Variants in CFAP20DC observed in about 807,000 individuals in gnomAD.
The protein encoded by CFAP20DC is CFAP20 domain containing.
In CFAP20DC, 84 loss-of-function variants were observed where a neutral mutation model predicts 101.7. The ratio of observed to expected loss-of-function variants is 0.83; its 90% CI spans 0.69 to 0.99. The LOEUF (loss-of-function observed/expected upper bound fraction) is 0.99, where lower values mean the gene tolerates loss of function less well. CFAP20DC is among the 50% of genes least tolerant of loss of function. The pLI, the probability that CFAP20DC is intolerant of heterozygous loss-of-function variation, is 0.00. For synonymous variants in CFAP20DC, 359 were observed against 351.2 expected, an observed-to-expected ratio of 1.02 and a Z score of -0.25; for missense variants, 1,007 against 970.3, an observed-to-expected ratio of 1.04 and a Z score of -0.50.
intron 12 of CFAP20DC, chr3:58,862,084 T>G: frequency 4.1e-6 from 4 of 965,006 alleles, no homozygotes; most frequent in Non-Finnish European, 4.9e-6. Context: ...AGGTAAGTTC[T>G]TCATGTGGTG....
At chr3:58,893,834 A>G (rs930618399) in intron 6 of CFAP20DC, among the ~76,000 whole-genome samples, 6 of 151,390 alleles carry the variant, frequency 4.0e-5, no homozygotes, top group African/African-American at 1.5e-4. Flanking sequence ...TGCTGCTGAT[A>G]AAGACATACC....
intron 4 of CFAP20DC, among the ~76,000 whole-genome samples, chr3:58,948,624 T>C (rs1484254122): frequency 2.0e-5 from 3 of 152,216 alleles, no homozygotes; most frequent in Non-Finnish European, 4.4e-5. Context: ...CAGCCTTGCA[T>C]CCCAGGGATG....
At chr3:58,776,147 T>A (rs1192786529) in intron 15 of CFAP20DC, among the ~76,000 whole-genome samples, 4 of 152,124 alleles carry the variant, frequency 2.6e-5, no homozygotes, top group Non-Finnish European at 5.9e-5. Flanking sequence ...GGGGTGAGCA[T>A]GAGACCCAAG....
chr3:58,941,145 A>G (rs1279445713), intron 4 of CFAP20DC, among the ~76,000 whole-genome samples: 1 of 151,954 alleles, frequency 6.6e-6, no homozygotes. Flanking sequence ...CCTGGTCAAC[A>G]TGGTGAAACC....
At chr3:58,731,446 T>C (rs1473562731) in intron 3 of CFAP20DC, among the ~76,000 whole-genome samples, 1 of 152,184 alleles carries the variant, frequency 6.6e-6, no homozygotes, top group Non-Finnish European at 1.5e-5. Context: ...GGGCTGATTA[T>C]AAATGATCCT....
chr3:58,793,985 A>G (rs1352154634), intron 15 of CFAP20DC, among the ~76,000 whole-genome samples: 1 of 152,240 alleles, frequency 6.6e-6, no homozygotes, highest in Admixed American at 6.5e-5. Flanking sequence ...GCAAATAAAG[A>G]GAATCAAAGA....
At chr3:58,891,321 G>A (rs796474903) in intron 6 of CFAP20DC, among the ~76,000 whole-genome samples, 2 of 151,830 alleles carry the variant, frequency 1.3e-5, no homozygotes, top group East Asian at 3.9e-4. Context: ...GGCTGAGGCA[G>A]GAGAATCAGG....
Position 58,882,708 on chromosome 3 carries a change from T to C in CFAP20DC, c.715+1837A>G, listed in dbSNP as rs1307127088. On this transcript the variant is annotated intron_variant, in intron 7 of 16. Coordinates refer to ENST00000482387, the MANE Select transcript of CFAP20DC (RefSeq NM_001394063.1). This position sits in a 1 kb window ranked among gnomAD's most constrained non-coding sequence, Gnocchi z 4.2. ...TCAAGGCTCTTTAATGACCATGGATTGTATACAGTCTCTCTCTGTCTAAAT... is the reference window on the plus strand; with the variant it reads ...TCAAGGCTCTTTAATGACCATGGATCGTATACAGTCTCTCTCTGTCTAAAT... Among the ~76,000 whole-genome samples the C allele has an allele frequency of 6.6e-6, 1 of 152,180 alleles. No individual in the cohort carries two copies. Among genetic ancestry groups the C allele is most frequent in the Non-Finnish European group, 1.5e-5 (1 of 68,028 alleles).
intron 5 of CFAP20DC, among the ~76,000 whole-genome samples, chr3:58,937,153 T>C (rs2087806666): frequency 6.6e-6 from 1 of 152,208 alleles, no homozygotes; most frequent in Non-Finnish European, 1.5e-5. Flanking sequence ...TCTTGTACTG[T>C]CAGACCAATG....
intron 4 of CFAP20DC, among the ~76,000 whole-genome samples, chr3:58,998,921 C>T (rs115805513): frequency 0.015 from 2,264 of 152,298 alleles, 52 homozygotes; most frequent in African/African-American, 0.052. Context: ...GAAATTAAGG[C>T]ACACAGAGGT....
intron 14 of CFAP20DC, among the ~76,000 whole-genome samples, chr3:58,812,245 C>T (rs1159822628): frequency 1.3e-5 from 2 of 152,092 alleles, no homozygotes; most frequent in Admixed American, 6.6e-5. Context: ...GCTATAAAGA[C>T]ACATGCACAC....
intron 4 of CFAP20DC, among the ~76,000 whole-genome samples, chr3:59,028,840 C>A (rs1245619177): frequency 6.6e-6 from 1 of 152,110 alleles, no homozygotes; most frequent in Non-Finnish European, 1.5e-5. Flanking sequence ...TATTACTTTA[C>A]ATTAGCTTTC....
chr3:58,855,000 C>G (rs1292859302), intron 12 of CFAP20DC, among the ~76,000 whole-genome samples: 4 of 145,308 alleles, frequency 2.8e-5, no homozygotes, highest in Non-Finnish European at 6.0e-5. Flanking sequence ...TCTAATTAAA[C>G]TAAAGAGCTT....
At chr3:58,884,075 G>T (rs1188895596) in intron 7 of CFAP20DC, among the ~76,000 whole-genome samples, 1 of 152,006 alleles carries the variant, frequency 6.6e-6, no homozygotes, top group Non-Finnish European at 1.5e-5. Flanking sequence ...GAAAAAAAAT[G>T]GGAGATCTGG....
At chr3:58,790,157 C>T (rs1184615621) in intron 15 of CFAP20DC, among the ~76,000 whole-genome samples, 1 of 152,152 alleles carries the variant, frequency 6.6e-6, no homozygotes, top group African/African-American at 2.4e-5. Flanking sequence ...GAGGTAAAAG[C>T]GTCCCTTCCT....
chr3:58,850,152 G>T (rs1420914996), intron 12 of CFAP20DC, among the ~76,000 whole-genome samples: 2 of 152,020 alleles, frequency 1.3e-5, no homozygotes, highest in South Asian at 2.1e-4. Context: ...TGAAATCAAT[G>T]GCAATGAAAG....
intron 10 of CFAP20DC, 24 bp downstream of exon 10, chr3:58,867,793 G>C (rs972100964): frequency 6.2e-6 from 10 of 1,612,986 alleles, no homozygotes; most frequent in Non-Finnish European, 8.5e-6. Context: ...ACAGATATAA[G>C]ATAGGATTGA....
chr3:58,750,942 T>C (rs1382496771), intron 16 of CFAP20DC, among the ~76,000 whole-genome samples: 3 of 152,138 alleles, frequency 2.0e-5, no homozygotes, highest in African/African-American at 7.2e-5. Flanking sequence ...CATAATTAAA[T>C]TTTAGAAATA....
intron 4 of CFAP20DC, among the ~76,000 whole-genome samples, chr3:58,961,100 C>T (rs960610895): frequency 5.9e-5 from 9 of 152,072 alleles, no homozygotes; most frequent in African/African-American, 2.2e-4. Context: ...TCCCACTTGG[C>T]CGTGGTATAT....
Sources: allele counts gnomAD v4.1 joint callset (sites outside exome capture counted in the v4.1 genomes callset), GRCh38; gene constraint gnomAD v4.1.1; non-coding constraint Gnocchi (gnomAD v3.1); transcripts MANE v1.5; gene names NCBI Gene and HGNC (gene_info 2026-07-23, HGNC 2026-07-21).